The following MUC4 variants were observed in gnomAD, a reference collection of about 807,000 sequenced individuals.
MUC4 encodes mucin 4, cell surface associated, also known as mucin-4.
Under a neutral mutation model 257.9 loss-of-function variants are expected in MUC4, and 202 were observed. The observed-to-expected ratio is 0.78, with a 90% CI of 0.70 to 0.88. MUC4 has a LOEUF of 0.88. MUC4 is among the 40% of genes least tolerant of loss of function. MUC4 has a pLI of 0.00. For synonymous variants in MUC4, 2,351 were observed against 2,757.1 expected, an observed-to-expected ratio of 0.85 and a Z score of 4.62; for missense variants, 5,976 against 6,513.7, an observed-to-expected ratio of 0.92 and a Z score of 2.84.
chr3:195,762,616 A>G (rs1314273300), intron 13 of MUC4, among the ~76,000 whole-genome samples: 41 of 48,708 alleles, frequency 8.4e-4, no homozygotes, highest in East Asian at 2.2e-3. Context: ...ACCGCCACGC[A>G]CCCGGCCCTG....
rs530467660 is a variant in MUC4 at position 195,748,968 on chromosome 3, G to C, written c.15968C>G (p.Pro5323Arg). The C allele has an allele frequency of 6.8e-6, 11 of 1,608,986 alleles. No homozygotes were observed. In the South Asian group the frequency reaches 1.2e-4, roughly 18 times the overall value. Residue 5323 changes from proline (P) to arginine (R), a missense_variant, in exon 24 of 25, where the codon CCG (proline) becomes CGG (arginine). Coordinates refer to ENST00000463781, the MANE Select transcript of MUC4 (RefSeq NM_018406.7). The part of the protein sequence containing the change: ...SPQSGFTCVS[P>R]CSRGYCDHGG... ...ATGGTCACAGTAGCCCCTACTGCAC[G>C]GGGACACGCAGGTGAAGCCGCTCTG...
rs144203561 is a variant in MUC4, at chr3:195,754,214, C to A, written c.15327G>T (p.Ala5109=). The A allele has an allele frequency of 6.2e-7, 1 of 1,612,278 alleles. No homozygotes were observed. Among genetic ancestry groups the A allele is most frequent in the Non-Finnish European group, 8.5e-7 (1 of 1,179,080 alleles). ...PNLTGDGRHC[A]ALGSSFLCQN... is the part of the protein sequence containing the mutation. ...CTCCAGGCCCTGTTCCCGGCTCACCCGCACAGTGCCGCCCATCCCCAGTCA... is the reference window on the plus strand; with the variant it reads ...CTCCAGGCCCTGTTCCCGGCTCACCAGCACAGTGCCGCCCATCCCCAGTCA... Residue 5109 remains alanine (A), a splice_region_variant and synonymous_variant, in exon 19 of 25, where the codon GCG becomes GCT. Transcript: ENST00000463781.
intron 1 of MUC4, among the ~76,000 whole-genome samples, chr3:195,796,080 T>G (rs546302356): frequency 6.6e-6 from 1 of 152,190 alleles, no homozygotes; most frequent in African/African-American, 2.4e-5. Flanking sequence ...TTTATTTATT[T>G]AATTTTATTT....
intron 14 of MUC4, among the ~76,000 whole-genome samples, 155 bp from the exon 15 acceptor site, chr3:195,761,740 T>TCA (rs1358281303): frequency 6.6e-6 from 1 of 151,980 alleles, no homozygotes; most frequent in Non-Finnish European, 1.5e-5. Context: ...GGACGGGCCC[T>TCA]CACACCCTGC....
rs1489648456 is a variant in MUC4 at position 195,790,241 on chromosome 3, T to A, written c.1339A>T (p.Ile447Leu). The change falls in exon 2 of 25, where the codon ATA (isoleucine) becomes TTA (leucine). Residue 447 changes from isoleucine (I) to leucine (L), a missense_variant. Transcript: ENST00000463781. ...TGCTGGGTGTGGAAAGCTGTGGATA[T>A]TTTTGGAGGTAGAGAACTGGGGGAG... Reference protein sequence around the residue: ...ALSPSSLPPKISTAFHTQQSE... With the variant: ...ALSPSSLPPKLSTAFHTQQSE... 6.2e-7 allele frequency: 1 copy of A among 1,614,022 alleles called. No homozygotes were observed. The highest frequency in any genetic ancestry group is 8.5e-7 in the Non-Finnish European group (1 of 1,179,890).
Position 195,766,519 on chromosome 3 carries a change from T to C in MUC4, c.13618+144A>G, listed in dbSNP as rs1171792193. 5.7e-6 allele frequency: 4 copies of C among 703,392 alleles called. No homozygotes were observed. The Admixed American group carries it at 7.0e-5, about 12-fold the overall frequency. The allele number at this position is 703,392 out of a possible 1,614,324, so 43.6% of individuals were successfully genotyped here. On this transcript the variant is annotated intron_variant, in intron 8 of 24. Coordinates refer to ENST00000463781, the MANE Select transcript of MUC4 (RefSeq NM_018406.7). Reference sequence around the variant, plus strand: ...GGTGGTGCCACATCCCACCTAGACCTGTAGGAGGTTGAACTGTGTGGGGGA... The same window carrying C: ...GGTGGTGCCACATCCCACCTAGACCCGTAGGAGGTTGAACTGTGTGGGGGA...
rs531300049 is a variant in MUC4, at chr3:195,757,782, C to A, written c.14987-454G>T. ...CTTCCTGGACCTTTCCCAGACACCC[C>A]CTTCAGACACCAGACTGTAGTGAAA... On this transcript the variant is annotated intron_variant, in intron 17 of 24. Coordinates refer to ENST00000463781, the MANE Select transcript of MUC4 (RefSeq NM_018406.7). The surrounding 1 kb of genome is among the most constrained non-coding windows in gnomAD (Gnocchi z 4.8). Among the ~76,000 whole-genome samples, 1 of 152,138 alleles carries A rather than the reference C, an allele frequency of 6.6e-6. No homozygotes were observed. Among genetic ancestry groups the A allele is most frequent in the Non-Finnish European group, 1.5e-5 (1 of 68,020 alleles).
Position 195,782,900 on chromosome 3 carries a change from C to G in MUC4, c.8680G>C (p.Ala2894Pro), listed in dbSNP as rs1239087551. The G allele has an allele frequency of 5.3e-6, 8 of 1,504,472 alleles. No individual in the cohort carries two copies. The highest frequency in any genetic ancestry group is 4.5e-6 in the Non-Finnish European group (5 of 1,121,822). 93.2% of individuals were successfully genotyped at this position (1,504,472 alleles called of 1,614,324 possible). Residue 2894 changes from alanine (A) to proline (P), a missense_variant, in exon 2 of 25, where the codon GCT (alanine) becomes CCT (proline). By Grantham distance (27) the Ala-to-Pro change is conservative. Around this residue, in one of 44 missense-constraint regions of MUC4, gnomAD observed 228 missense variants for 206.3 expected, o/e 1.11. Coordinates refer to ENST00000463781, the MANE Select transcript of MUC4 (RefSeq NM_018406.7). ...TDASSVSTGH[A>P]TPLPLTSLSS... ...AGGCTGGTGAGAGGAAGAGGGGTAG[C>G]GTGACCTGTGGACACTGAGGAAGCG...
At position 195,746,983 on chromosome 3, in the gene MUC4, A is replaced by T; in HGVS notation, c.*193T>A. ...ACCCATCCATGCATGTTTGATCTTT[A>T]TGGCCTCCCCCTGTGCACCTGCGCC... On this transcript the variant is annotated 3_prime_UTR_variant, in exon 25 of 25. Transcript: ENST00000463781. 1 of 808,874 alleles carries T rather than the reference A, an allele frequency of 1.2e-6. No individual in the cohort carries two copies. The highest frequency in any genetic ancestry group is 1.9e-6 in the Non-Finnish European group (1 of 518,822). 50.1% of individuals were successfully genotyped at this position (808,874 alleles called of 1,614,324 possible). A position where few individuals can be genotyped will look rare whatever the true frequency, so the allele number is the denominator to read the frequency against.
intron 24 of MUC4, among the ~76,000 whole-genome samples, chr3:195,748,076 G>A (rs1285170691): frequency 2.0e-5 from 3 of 152,234 alleles, no homozygotes; most frequent in Non-Finnish European, 4.4e-5. Flanking sequence ...AGCTGGCGGA[G>A]GGCCCGGAGC....
Position 195,747,283 on chromosome 3 carries a change from C to T in MUC4, c.16132G>A (p.Gly5378Ser). 8 of 1,614,226 alleles carry T rather than the reference C, an allele frequency of 5.0e-6. No individual in the cohort carries two copies. The highest frequency in any genetic ancestry group is 6.8e-6 in the Non-Finnish European group (8 of 1,180,016). Residue 5378 changes from glycine to serine, a missense_variant, in exon 25 of 25, where the codon GGC becomes AGC. Physicochemically the swap from Gly to Ser is moderately conservative, Grantham distance 56. Around this residue, in one of 44 missense-constraint regions of MUC4, gnomAD observed 310 missense variants for 242.1 expected, o/e 1.28. Transcript: ENST00000463781. ...CCGACCCCCAGCAGCAAGAGGCCGC[C>T]CAGGGCCCCAAAGAAGATGCCGAAG... Reference protein sequence around the residue: ...AFFGIFFGALGGLLLLGVGTF... With the variant: ...AFFGIFFGALSGLLLLGVGTF...
At position 195,750,876 on chromosome 3, in the gene MUC4, T is replaced by C. The variant is rs757638127; in HGVS notation, c.15871+13A>G. 3 of 1,612,182 alleles carry C rather than the reference T, an allele frequency of 1.9e-6. No individual in the cohort carries two copies. The highest frequency in any genetic ancestry group is 1.7e-6 in the Non-Finnish European group (2 of 1,179,518). On this transcript the variant is annotated intron_variant, in intron 23 of 24. Coordinates refer to ENST00000463781, the MANE Select transcript of MUC4 (RefSeq NM_018406.7). ...AGTGACCCCCATAGTGTCCCCGGAA[T>C]GGACGGACTCACGGGCTGTCACATC... is the stretch of plus-strand genomic sequence containing the variant.
Position 195,751,215 on chromosome 3 carries a change from C to G in MUC4, c.15639G>C (p.Val5213=). The change falls in exon 22 of 25, where the codon GTG becomes GTC. Residue 5213 remains valine, a synonymous_variant. Transcript: ENST00000463781. ...DMRAFLRNSQ[V]ERIDSAAPAS... ...GACACAGTCCCACTTACATTCGTTC[C>G]ACTTGGCTGTTGCGGAGAAAGGCCC... is the stretch of plus-strand genomic sequence containing the variant. 1 of 1,605,768 alleles carries G rather than the reference C, an allele frequency of 6.2e-7. No homozygotes were observed. Among genetic ancestry groups the G allele is most frequent in the Non-Finnish European group, 8.5e-7 (1 of 1,176,554 alleles).
intron 15 of MUC4, 48 bp downstream of exon 15, chr3:195,761,436 C>T (rs1291602771): frequency 8.2e-6 from 12 of 1,466,206 alleles, no homozygotes; most frequent in Admixed American, 1.7e-5. Context: ...ATAAACATAC[C>T]GGCTCCCCTC....
Position 195,766,766 on chromosome 3 carries a change from A to G in MUC4, c.13530-15T>C, listed in dbSNP as rs752458871. On this transcript the variant is annotated splice_polypyrimidine_tract_variant and intron_variant, in intron 7 of 24. Coordinates refer to ENST00000463781, the MANE Select transcript of MUC4 (RefSeq NM_018406.7). Reference sequence around the variant, plus strand: ...AGCCATCTCCACTGCAGGAAAGGAGAGACTCTCAGGCCTCTGCCGTGCACA... The same window carrying G: ...AGCCATCTCCACTGCAGGAAAGGAGGGACTCTCAGGCCTCTGCCGTGCACA... 6.2e-7 allele frequency: 1 copy of G among 1,612,504 alleles called. No homozygotes were observed. Among genetic ancestry groups the G allele is most frequent in the Admixed American group, 1.7e-5 (1 of 60,012 alleles).
At position 195,781,711 on chromosome 3, in the gene MUC4, G is replaced by T. The variant is rs1308833159; in HGVS notation, c.9869C>A (p.Ser3290Tyr). ...AAGAAGAGGGGTGGTGTCACCTGTG[G>T]ATGATGAGGAAGTGTCGGTGACAGG... Reference protein sequence around the residue: ...SLPVTDTSSSSTGDTTPLLVT... With the variant: ...SLPVTDTSSSYTGDTTPLLVT... Residue 3290 changes from serine (S) to tyrosine (Y), a missense_variant, in exon 2 of 25, where the codon TCC becomes TAC. Transcript: ENST00000463781. 60 of 1,494,310 alleles carry T rather than the reference G, an allele frequency of 4.0e-5. 4 individuals are homozygous for T. The highest frequency in any genetic ancestry group is 2.7e-4 in the Admixed American group (13 of 47,788). 92.6% of individuals were successfully genotyped at this position (1,494,310 alleles called of 1,614,324 possible). A position where few individuals can be genotyped will look rare whatever the true frequency, so the allele number is the denominator to read the frequency against.
At chr3:195,748,817 C>T (rs1380327082) in intron 24 of MUC4, 85 bp downstream of exon 24, 1 of 1,441,388 alleles carries the variant, frequency 6.9e-7, no homozygotes, top group African/African-American at 1.4e-5. Flanking sequence ...CTCGAGCCAT[C>T]CTAATTCCTG....
intron 16 of MUC4, 96 bp from the exon 17 acceptor site, chr3:195,759,357 C>T: frequency 6.8e-7 from 1 of 1,475,736 alleles, no homozygotes; most frequent in Non-Finnish European, 9.2e-7. Context: ...GTGAGGCATT[C>T]CCAGGACTGT....
chr3:195,790,250 G>A lies in MUC4; in HGVS notation c.1330C>T (p.Pro444Ser). Residue 444 changes from proline to serine, a missense_variant, in exon 2 of 25, where the codon CCT becomes TCT. Around this residue, in one of 44 missense-constraint regions of MUC4, gnomAD observed 1,583 missense variants for 1,257.4 expected, o/e 1.26. Transcript: ENST00000463781. ...LSTALSPSSLPPKISTAFHTQ... is the reference protein window; with the variant it reads ...LSTALSPSSLSPKISTAFHTQ... ...TGGAAAGCTGTGGATATTTTTGGAG[G>A]TAGAGAACTGGGGGAGAGTGCTGTT... 6.2e-7 allele frequency: 1 copy of A among 1,614,020 alleles called. No individual in the cohort carries two copies. The highest frequency in any genetic ancestry group is 8.5e-7 in the Non-Finnish European group (1 of 1,179,888).
Sources: allele counts gnomAD v4.1 joint callset (sites outside exome capture counted in the v4.1 genomes callset), GRCh38; gene constraint gnomAD v4.1.1; regional missense constraint gnomAD v4.1.1; non-coding constraint Gnocchi (gnomAD v3.1); transcripts MANE v1.5; gene names NCBI Gene and HGNC (gene_info 2026-07-23, HGNC 2026-07-21).